The following FABP5 variants were observed in gnomAD, a reference collection of about 807,000 sequenced individuals.
FABP5 encodes the protein fatty acid binding protein 5, also known as fatty acid-binding protein 5.
Under a neutral mutation model 16.9 loss-of-function variants are expected in FABP5, and 7 were observed. The ratio of observed to expected loss-of-function variants is 0.41; its 90% CI spans 0.24 to 0.78. The LOEUF (loss-of-function observed/expected upper bound fraction) is 0.78, where lower values mean the gene tolerates loss of function less well. Ranked by LOEUF, FABP5 falls within the 30% of genes least tolerant of loss-of-function variation. The pLI, the probability that FABP5 is intolerant of heterozygous loss-of-function variation, is 0.30. For synonymous variants in FABP5, 37 were observed against 52.8 expected (o/e 0.70, Z 1.30); for missense variants, 119 against 159.5 (o/e 0.75, Z 1.37).
In FABP5 at chr8:81,284,529, A is replaced by C. The variant is rs779497353; in HGVS notation, c.370A>C (p.Asn124His). ...CTTCTTCTAGGAGTGTGTCATGAAC[A>C]ATGTCACCTGTACTCGGATCTATGA... ...GKLVVECVMN[N>H]VTCTRIYEKV... is the part of the protein sequence containing the mutation. Residue 124 changes from asparagine (N) to histidine (H), a missense_variant, in exon 4 of 4, where the codon AAT becomes CAT. Physicochemically the swap from Asn to His is moderately conservative, Grantham distance 68 (BLOSUM62 1). Coordinates refer to ENST00000297258, the MANE Select transcript of FABP5 (RefSeq NM_001444.3). 6.2e-7 allele frequency: 1 copy of C among 1,603,254 alleles called. No homozygotes were observed. The highest frequency in any genetic ancestry group is 1.3e-5 in the African/African-American group (1 of 74,702).
chr8:81,283,664 T>G (rs1372297462), intron 2 of FABP5, 126 bp downstream of exon 2: 1 of 1,140,216 alleles, frequency 8.8e-7, no homozygotes, highest in East Asian at 2.6e-5. Context: ...TTTGTCAAAT[T>G]AGCAAAAGTA....
Position 81,280,611 on chromosome 8 carries a change from C to T in FABP5, c.16C>T (p.Gln6Ter). ...CGCACCCACCATGGCCACAGTTCAG[C>T]AGCTGGAAGGAAGATGGCGCCTGGT... MATVQ[Q>*]LEGRWRLVDS... is the part of the protein sequence containing the mutation. The change falls in exon 1 of 4, where the codon CAG (glutamine) becomes TAG (stop). Residue 6 changes from glutamine to a stop codon, truncating the protein, a stop_gained. Coordinates refer to ENST00000297258, the MANE Select transcript of FABP5 (RefSeq NM_001444.3). LOFTEE classifies it high-confidence loss of function. 2 of 1,557,456 alleles carry T rather than the reference C, an allele frequency of 1.3e-6. No individual in the cohort carries two copies. Among genetic ancestry groups the T allele is most frequent in the South Asian group, 1.2e-5 (1 of 84,492 alleles).
At position 81,284,575 on chromosome 8, in the gene FABP5, A is replaced by C. The variant is rs1436632412; in HGVS notation, c.*8A>C. On this transcript the variant is annotated 3_prime_UTR_variant, in exon 4 of 4. Transcript: ENST00000297258. ...TATGAAAAAGTAGAATAAAAATTCCATCATCACTTTGGACAGGAGTTAATT... is the reference window on the plus strand; with the variant it reads ...TATGAAAAAGTAGAATAAAAATTCCCTCATCACTTTGGACAGGAGTTAATT... The C allele has an allele frequency of 5.9e-6, 9 of 1,526,168 alleles. No homozygotes were observed. The highest frequency in any genetic ancestry group is 8.1e-6 in the Non-Finnish European group (9 of 1,107,020). 94.5% of individuals were successfully genotyped at this position (1,526,168 alleles called of 1,614,324 possible). A position where few individuals can be genotyped will look rare whatever the true frequency, so the allele number is the denominator to read the frequency against.
At position 81,281,768 on chromosome 8, in the gene FABP5, A is replaced by G. The variant is rs1358500402; in HGVS notation, c.79+1094A>G. ...TTGCATGCTGATTGAGACACTGGAT[A>G]AATTGCAAACAAAAATGGACCTTTG... On this transcript the variant is annotated intron_variant, in intron 1 of 3. Coordinates refer to ENST00000297258, the MANE Select transcript of FABP5 (RefSeq NM_001444.3). This position sits in a 1 kb window ranked among gnomAD's most constrained non-coding sequence, Gnocchi z 4.5. 30 of 772,082 alleles carry G rather than the reference A, an allele frequency of 3.9e-5. No individual in the cohort carries two copies. Among genetic ancestry groups the G allele is most frequent in the Non-Finnish European group, 3.9e-5 (25 of 635,360 alleles). The allele number at this position is 772,082 out of a possible 1,614,324, so 47.8% of individuals were successfully genotyped here.
rs1250725637 is a variant in FABP5, at chr8:81,283,989, G to A, written c.354+15G>A. ...AATTAGTGGTGGTAAGTGTCAAACT[G>A]CTGTGTCTCAGTCAGCTTCTTGTGT... On this transcript the variant is annotated intron_variant, in intron 3 of 3. Coordinates refer to ENST00000297258, the MANE Select transcript of FABP5 (RefSeq NM_001444.3). 2 of 1,568,644 alleles carry A rather than the reference G, an allele frequency of 1.3e-6. No homozygotes were observed. Among genetic ancestry groups the A allele is most frequent in the Non-Finnish European group, 8.7e-7 (1 of 1,149,134 alleles).
In FABP5 at chr8:81,280,590, C is replaced by G; in HGVS notation, c.-6C>G. ...CTCTCTGCACGCCAGCCCGCCCGCA[C>G]CCACCATGGCCACAGTTCAGCAGCT... On this transcript the variant is annotated 5_prime_UTR_variant, in exon 1 of 4. Transcript: ENST00000297258. 2 of 1,553,070 alleles carry G rather than the reference C, an allele frequency of 1.3e-6. No homozygotes were observed. The highest frequency in any genetic ancestry group is 1.7e-6 in the Non-Finnish European group (2 of 1,147,498).
At chr8:81,284,034 C>T in intron 3 of FABP5, 60 bp downstream of exon 3, 1 of 1,242,164 alleles carries the variant, frequency 8.1e-7, no homozygotes, top group Non-Finnish European at 1.2e-6. Context: ...GTTCACATAA[C>T]TGTTCTATAT....
rs1228296842 is a variant in FABP5 at position 81,283,518 on chromosome 8, G to A, written c.232G>A (p.Ala78Thr). 6.2e-7 allele frequency: 1 copy of A among 1,610,842 alleles called. No individual in the cohort carries two copies. Among genetic ancestry groups the A allele is most frequent in the South Asian group, 1.1e-5 (1 of 90,166 alleles). The change falls in exon 2 of 4, where the codon GCT becomes ACT. Residue 78 changes from alanine to threonine, a missense_variant. Ala to Thr is a moderately conservative substitution (Grantham distance 58). Transcript: ENST00000297258. ...TLGEKFEETT[A>T]DGRKTQTVCN... is the part of the protein sequence containing the mutation. The stretch of plus-strand genomic sequence containing the variant: ...GGGAGAGAAGTTTGAAGAAACCACA[G>A]CTGATGGCAGAAAAACTCAGGTCAG...
rs1428106955 is a variant in FABP5, at chr8:81,281,797, C to T, written c.79+1123C>T. On this transcript the variant is annotated intron_variant, in intron 1 of 3. Coordinates refer to ENST00000297258, the MANE Select transcript of FABP5 (RefSeq NM_001444.3). This position sits in a 1 kb window ranked among gnomAD's most constrained non-coding sequence, Gnocchi z 4.5. ...TGCAAACAAAAATGGACCTTTGTCA[C>T]AGGCCACTAGGAAGTGAGATGGAGT... 2 of 443,220 alleles carry T rather than the reference C, an allele frequency of 4.5e-6. No homozygotes were observed. The highest frequency in any genetic ancestry group is 4.3e-5 in the African/African-American group (2 of 46,724). 27.5% of individuals were successfully genotyped at this position (443,220 alleles called of 1,614,324 possible). A position where few individuals can be genotyped will look rare whatever the true frequency, so the allele number is the denominator to read the frequency against.
chr8:81,280,541 A>C lies in FABP5; in HGVS notation c.-55A>C. 1 of 1,532,496 alleles carries C rather than the reference A, an allele frequency of 6.5e-7. No individual in the cohort carries two copies. Among genetic ancestry groups the C allele is most frequent in the East Asian group, 2.5e-5 (1 of 40,022 alleles). 94.9% of individuals were successfully genotyped at this position (1,532,496 alleles called of 1,614,324 possible). A position where few individuals can be genotyped will look rare whatever the true frequency, so the allele number is the denominator to read the frequency against. On this transcript the variant is annotated 5_prime_UTR_variant, in exon 1 of 4. Transcript: ENST00000297258. ...CCGCCGGCGCCGGGTGCCTCACAGC[A>C]CGCTGCCACGCCGACGCAGACCCCT...
chr8:81,283,231 A>G (rs369287899), intron 1 of FABP5, 135 bp from the exon 2 acceptor site: 86 of 716,596 alleles, frequency 1.2e-4, no homozygotes, highest in African/African-American at 1.2e-3. Flanking sequence ...CGTGGGATAT[A>G]TGTTTACAAT....
At chr8:81,284,086 A>G (rs1807875767) in intron 3 of FABP5, 112 bp downstream of exon 3, 1 of 781,364 alleles carries the variant, frequency 1.3e-6, no homozygotes, top group Admixed American at 2.5e-5. Flanking sequence ...AAAAAAAAGC[A>G]AAATAACAAG....
chr8:81,283,011 A>G, intron 1 of FABP5: 1 of 178,524 alleles, frequency 5.6e-6, no homozygotes, highest in Non-Finnish European at 1.2e-5. Flanking sequence ...TCTGAAAGCC[A>G]GCATAGCATG....
intron 1 of FABP5, chr8:81,280,976 C>A: frequency 2.7e-6 from 1 of 366,088 alleles, no homozygotes; most frequent in Non-Finnish European, 5.1e-6. Flanking sequence ...GGCAGCCCTT[C>A]CGCATTGCTT....
rs1408802061 is a variant in FABP5 at position 81,283,400 on chromosome 8, G to A, written c.114G>A (p.Met38Ile). The A allele has an allele frequency of 2.5e-6, 4 of 1,604,406 alleles. No homozygotes were observed. Among genetic ancestry groups the A allele is most frequent in the Admixed American group, 3.5e-5 (2 of 57,728 alleles). ...VGIALRKMGA[M>I]AKPDCIITCD... ...TAGCTTTGCGAAAAATGGGCGCAAT[G>A]GCCAAGCCAGATTGTATCATCACTT... is the stretch of plus-strand genomic sequence containing the variant. The change falls in exon 2 of 4, where the codon ATG becomes ATA. Residue 38 changes from methionine (M) to isoleucine (I), a missense_variant. Transcript: ENST00000297258.
chr8:81,283,818 A>C, intron 2 of FABP5, 55 bp from the exon 3 acceptor site: 4 of 1,430,412 alleles, frequency 2.8e-6, no homozygotes, highest in East Asian at 2.4e-5. Context: ...GTTATGAGTC[A>C]TGGAAACTCT....
chr8:81,283,676 C>G, intron 2 of FABP5, 138 bp downstream of exon 2: 1 of 1,070,404 alleles, frequency 9.3e-7, no homozygotes, highest in Non-Finnish European at 1.3e-6. Context: ...GCAAAAGTAT[C>G]AACTTCATCA....
rs988627583 is a variant in FABP5, at chr8:81,284,238, T to C, written c.354+264T>C. The C allele has an allele frequency of 5.5e-6, 3 of 542,150 alleles. No individual in the cohort carries two copies. The African/African-American group carries it at 5.7e-5, about 10-fold the overall frequency. The allele number at this position is 542,150 out of a possible 1,614,324, so 33.6% of individuals were successfully genotyped here. The stretch of plus-strand genomic sequence containing the variant: ...GTGAAATCTTGGCAAGCCACCAAAC[T>C]GCACACATTTTTCTATATCTTTAAA... On this transcript the variant is annotated intron_variant, in intron 3 of 3. Transcript: ENST00000297258.
chr8:81,281,364 C>G lies in FABP5; in HGVS notation c.79+690C>G, dbSNP rs1807828276. On this transcript the variant is annotated intron_variant, in intron 1 of 3. Transcript: ENST00000297258. The surrounding 1 kb of genome is among the most constrained non-coding windows in gnomAD (Gnocchi z 4.5). The stretch of plus-strand genomic sequence containing the variant: ...AGCCGAACCCTTTGGATTGGTACCC[C>G]ATGGAACACCAGGGCCCCCGAGAAG... 2.5e-5 allele frequency: 25 copies of G among 985,678 alleles called. No homozygotes were observed. The highest frequency in any genetic ancestry group is 3.0e-5 in the Non-Finnish European group (25 of 830,150). 61.1% of individuals were successfully genotyped at this position (985,678 alleles called of 1,614,324 possible). A position where few individuals can be genotyped will look rare whatever the true frequency, so the allele number is the denominator to read the frequency against.
Sources: gnomAD v4.1 joint callset for allele counts on GRCh38, gnomAD v4.1.1 for gene constraint, Gnocchi (gnomAD v3.1) non-coding constraint, MANE v1.5 for transcripts, NCBI Gene and HGNC (gene_info 2026-07-23, HGNC 2026-07-21) for gene names.